Variants in TEFM observed in about 807,000 individuals in gnomAD.
The protein encoded by TEFM is transcription elongation factor, mitochondrial, also known as transcription elongation factor of mitochondria.
Under a neutral mutation model 23.0 loss-of-function variants are expected in TEFM, and 14 were observed. The observed-to-expected ratio is 0.61, with a 90% CI of 0.40 to 0.95. TEFM has a LOEUF of 0.95. Among genes scored for constraint, TEFM ranks in the 40% least tolerant of loss-of-function variants. The probability of loss-of-function intolerance (pLI) is 0.00; values close to 1 mark genes in which losing one functional copy is unlikely to be tolerated. For missense variants in TEFM, 386 were observed against 425.5 expected (o/e 0.91, Z 0.82); for synonymous variants, 155 against 158.3 (o/e 0.98, Z 0.16).
chr17:30,902,559 G>T (rs1910066348), intron 2 of TEFM, among the ~76,000 whole-genome samples: 1 of 152,166 alleles, frequency 6.6e-6, no homozygotes, highest in Admixed American at 6.6e-5. Flanking sequence ...CCTCCCTGAA[G>T]AATTTGGTTA....
Position 30,899,423 on chromosome 17 carries a change from T to C in TEFM, c.829A>G (p.Asn277Asp), listed in dbSNP as rs1326680017. 1 of 1,614,224 alleles carries C rather than the reference T, an allele frequency of 6.2e-7. No homozygotes were observed. The highest frequency in any genetic ancestry group is 1.1e-5 in the South Asian group (1 of 91,092). ...QDGQHQVLSM[N>D]RNAVGKHFEL... ...AAATGCTTCCCCACTGCATTTCGATTCATGCTCAGCACCTGATGCTGCCCA... is the reference window on the plus strand; with the variant it reads ...AAATGCTTCCCCACTGCATTTCGATCCATGCTCAGCACCTGATGCTGCCCA... Residue 277 changes from asparagine (N) to aspartate (D), a missense_variant, in exon 4 of 4, where the codon AAT (asparagine) becomes GAT (aspartate). Coordinates refer to ENST00000581216, the MANE Select transcript of TEFM (RefSeq NM_024683.4).
chr17:30,904,065 C>T lies in TEFM; in HGVS notation c.495+1G>A, dbSNP rs1327799297. On this transcript the variant is annotated splice_donor_variant, in intron 2 of 3. Transcript: ENST00000581216. LOFTEE classifies it high-confidence loss of function. ...CAGTATAGCAGACATGAAGAATATACCTTAAGTCTTTCTCTTTCTATGTCT... is the reference window on the plus strand; with the variant it reads ...CAGTATAGCAGACATGAAGAATATATCTTAAGTCTTTCTCTTTCTATGTCT... 5.0e-6 allele frequency: 8 copies of T among 1,610,704 alleles called. No individual in the cohort carries two copies. Among genetic ancestry groups the T allele is most frequent in the Non-Finnish European group, 6.8e-6 (8 of 1,178,226 alleles).
rs1909978755 is a variant in TEFM, at chr17:30,899,056, TA to T, written c.*112del. The T allele has an allele frequency of 9.3e-7, 1 of 1,081,006 alleles. No homozygotes were observed. The highest frequency in any genetic ancestry group is 1.3e-6 in the Non-Finnish European group (1 of 761,246). 67.0% of individuals were successfully genotyped at this position (1,081,006 alleles called of 1,614,324 possible). ...CATTTAATAGCCAAAAGTCAGAATTTAAACATCTAAAATACACTGAAAATGT... is the reference window on the plus strand; with the variant it reads ...CATTTAATAGCCAAAAGTCAGAATTTAACATCTAAAATACACTGAAAATGT... On this transcript the variant is annotated 3_prime_UTR_variant, in exon 4 of 4. Coordinates refer to ENST00000581216, the MANE Select transcript of TEFM (RefSeq NM_024683.4).
intron 2 of TEFM, among the ~76,000 whole-genome samples, chr17:30,902,588 T>C (rs572816995): frequency 2.4e-4 from 36 of 152,330 alleles, no homozygotes; most frequent in African/African-American, 8.4e-4. Flanking sequence ...TCCAGATCAA[T>C]TGCAGCAGTT....
At position 30,899,327 on chromosome 17, in the gene TEFM, G is replaced by A; in HGVS notation, c.925C>T (p.Leu309=). ...AAGAACACCCGAGGATCCGCCTTCA[G>A]TATAGAATCGAAGAGAAACTGCTTC... ...LVKQFLFDSI[L]KADPRVFFPS... is the part of the protein sequence containing the mutation. The change falls in exon 4 of 4, where the codon CTG becomes TTG. Residue 309 remains leucine, a synonymous_variant. Transcript: ENST00000581216. 6.2e-7 allele frequency: 1 copy of A among 1,614,236 alleles called. No individual in the cohort carries two copies. The highest frequency in any genetic ancestry group is 8.5e-7 in the Non-Finnish European group (1 of 1,180,046).
intron 2 of TEFM, among the ~76,000 whole-genome samples, chr17:30,903,517 CTTT>C (rs397935118): frequency 5.4e-5 from 7 of 129,896 alleles, no homozygotes; most frequent in South Asian, 2.5e-4. Context: ...GAGCCAGCCG[CTTT>C]TTTTTTTTTT....
intron 2 of TEFM, among the ~76,000 whole-genome samples, chr17:30,901,823 C>G (rs1002733634): frequency 6.6e-6 from 1 of 152,090 alleles, no homozygotes; most frequent in Non-Finnish European, 1.5e-5. Flanking sequence ...GTACCTGTTA[C>G]AACATGAGAA....
At chr17:30,899,802 G>A (rs1388123756) in intron 3 of TEFM, 196 bp from the exon 4 acceptor site, 3 of 413,850 alleles carry the variant, frequency 7.2e-6, no homozygotes, top group Non-Finnish European at 1.3e-5. Flanking sequence ...CAACAGCTAA[G>A]CTAAGCTGTT....
rs1250203768 is a variant in TEFM at position 30,904,490 on chromosome 17, A to G, written c.71T>C (p.Leu24Pro). The change falls in exon 2 of 4, where the codon CTG (leucine) becomes CCG (proline). Residue 24 changes from leucine (L) to proline (P), a missense_variant. Physicochemically the swap from Leu to Pro is moderately conservative, Grantham distance 98 (BLOSUM62 -3). Coordinates refer to ENST00000581216, the MANE Select transcript of TEFM (RefSeq NM_024683.4). The stretch of plus-strand genomic sequence containing the variant: ...GCAGAAATTATGTAAGGCCCAGTAC[A>G]GGGATGACCTCGACGGGGTCAGAAA... ...RCFLTPSRSS[L>P]YWALHNFCCR... 6.2e-7 allele frequency: 1 copy of G among 1,612,826 alleles called. No individual in the cohort carries two copies. Among genetic ancestry groups the G allele is most frequent in the East Asian group, 2.2e-5 (1 of 44,876 alleles).
rs368417669 is a variant in TEFM at position 30,901,460 on chromosome 17, T to C, written c.496-898A>G. On this transcript the variant is annotated intron_variant, in intron 2 of 3. Transcript: ENST00000581216. The stretch of plus-strand genomic sequence containing the variant: ...GATACTAGGAAACAACAAACGTAAC[T>C]GTACATTATAAGAAATGCCACCATA... Among the ~76,000 whole-genome samples the C allele has an allele frequency of 1.2e-4, 18 of 152,304 alleles. No homozygotes were observed. In the East Asian group the frequency reaches 3.1e-3, roughly 26 times the overall value.
intron 2 of TEFM, among the ~76,000 whole-genome samples, chr17:30,901,228 C>T (rs2142473934): frequency 1.3e-5 from 2 of 152,086 alleles, no homozygotes; most frequent in East Asian, 3.9e-4. Flanking sequence ...ACCATGTTGG[C>T]CAGGCTGGTC....
Position 30,899,176 on chromosome 17 carries a change from TGAGA to T in TEFM, c.1072_1075del (p.Gln359LeufsTer9), listed in dbSNP as rs746719028. The T allele has an allele frequency of 1.9e-6, 3 of 1,583,514 alleles. No individual in the cohort carries two copies. Among genetic ancestry groups the T allele is most frequent in the Non-Finnish European group, 2.6e-6 (3 of 1,162,554 alleles). On this transcript the variant is annotated frameshift_variant, in exon 4 of 4. Transcript: ENST00000581216. LOFTEE classifies it high-confidence loss of function. ...CACGTTAACCTCAGAATTCTAAGGC[TGAGA>T]GTCAAACACTGCTAATTCATAGAAG...
Position 30,899,427 on chromosome 17 carries a change from G to A in TEFM, c.825C>T (p.Ser275=). Residue 275 remains serine, a synonymous_variant, in exon 4 of 4, where the codon AGC becomes AGT. Transcript: ENST00000581216. ...FAQDGQHQVL[S]MNRNAVGKHF... ...GCTTCCCCACTGCATTTCGATTCATGCTCAGCACCTGATGCTGCCCATCCT... is the reference window on the plus strand; with the variant it reads ...GCTTCCCCACTGCATTTCGATTCATACTCAGCACCTGATGCTGCCCATCCT... 6.2e-7 allele frequency: 1 copy of A among 1,614,162 alleles called. No homozygotes were observed. Among genetic ancestry groups the A allele is most frequent in the Non-Finnish European group, 8.5e-7 (1 of 1,180,008 alleles).
Position 30,900,526 on chromosome 17 carries a change from G to A in TEFM, c.532C>T (p.Arg178Ter), listed in dbSNP as rs371518105. ...NSIISIVFGT[R>*]RIAWAHLDRK... ...TCAAGGTGAGCCCAGGCAATTCTTC[G>A]AGTACCAAAAACGATAGATATGATA... The change falls in exon 3 of 4, where the codon CGA becomes TGA. Residue 178 changes from arginine (R) to a stop codon, truncating the protein, a stop_gained. Transcript: ENST00000581216. LOFTEE classifies it high-confidence loss of function. The A allele has an allele frequency of 1.1e-5, 17 of 1,613,858 alleles. No homozygotes were observed. Among genetic ancestry groups the A allele is most frequent in the South Asian group, 2.2e-5 (2 of 91,072 alleles).
chr17:30,904,682 T>TTC (rs2142477273), intron 1 of TEFM, among the ~76,000 whole-genome samples, 153 bp from the exon 2 acceptor site: 1 of 114,516 alleles, frequency 8.7e-6, no homozygotes, highest in African/African-American at 5.2e-5. Context: ...GAGAATCATC[T>TTC]TTTTTTTTTT....
At chr17:30,901,419 G>A (rs1910044541) in intron 2 of TEFM, among the ~76,000 whole-genome samples, 1 of 152,168 alleles carries the variant, frequency 6.6e-6, no homozygotes, top group East Asian at 1.9e-4. Context: ...CTCAAGTGTA[G>A]CCAAGGTCTG....
Position 30,904,153 on chromosome 17 carries a change from T to C in TEFM, c.408A>G (p.Pro136=), listed in dbSNP as rs2142476607. ...ACTTTCTTTTTTCCCGTCCAGTCTT[T>C]GGACAAAGTATGGAGTTACAAACTT... is the stretch of plus-strand genomic sequence containing the variant. ...TVQVCNSILC[P]KTGREKRKSP... Residue 136 remains proline, a synonymous_variant, in exon 2 of 4, where the codon CCA becomes CCG. Transcript: ENST00000581216. 6.2e-7 allele frequency: 1 copy of C among 1,614,214 alleles called. No individual in the cohort carries two copies. The highest frequency in any genetic ancestry group is 8.5e-7 in the Non-Finnish European group (1 of 1,180,022).
chr17:30,905,924 G>A (rs551143384), intron 1 of TEFM, among the ~76,000 whole-genome samples: 3 of 152,166 alleles, frequency 2.0e-5, no homozygotes, highest in Non-Finnish European at 4.4e-5. Flanking sequence ...CAAGAGAGGG[G>A]CCTGAACAAG....
chr17:30,899,484 CA>C lies in TEFM; in HGVS notation c.767del (p.Met256SerfsTer6). On this transcript the variant is annotated frameshift_variant, in exon 4 of 4. Coordinates refer to ENST00000581216, the MANE Select transcript of TEFM (RefSeq NM_024683.4). LOFTEE classifies it high-confidence loss of function. ...AAGTTTTATTTAATAAGGCATACAG[CA>C]TGGCTTCCATGATATGAAAATGTAA... is the stretch of plus-strand genomic sequence containing the variant. The part of the protein sequence containing the change: ...ILLHFHIMEA[M>X]LYALLNKTFA... 1 of 1,614,110 alleles carries C rather than the reference CA, an allele frequency of 6.2e-7. No homozygotes were observed. The highest frequency in any genetic ancestry group is 8.5e-7 in the Non-Finnish European group (1 of 1,179,994).
Sources: allele counts gnomAD v4.1 joint callset (sites outside exome capture counted in the v4.1 genomes callset), GRCh38; gene constraint gnomAD v4.1.1; transcripts MANE v1.5; gene names NCBI Gene and HGNC (gene_info 2026-07-23, HGNC 2026-07-21).